Variants in LOXL2 observed in about 807,000 individuals in gnomAD.
The protein encoded by LOXL2 is lysyl oxidase like 2, also known as lysyl oxidase homolog 2.
LOXL2 carries 70 observed loss-of-function variants against 93.0 expected under a neutral mutation model. The ratio of observed to expected loss-of-function variants is 0.75; its 90% CI spans 0.62 to 0.92. The LOEUF (loss-of-function observed/expected upper bound fraction) is 0.92. Among genes scored for constraint, LOXL2 ranks in the 40% least tolerant of loss-of-function variants. LOXL2 has a pLI of 0.00. For synonymous variants in LOXL2, 438 were observed against 413.2 expected (o/e 1.06, Z -0.73); for missense variants, 973 against 1,054.9 (o/e 0.92, Z 1.08).
intron 1 of LOXL2, among the ~76,000 whole-genome samples, chr8:23,391,874 G>A (rs1340640628): frequency 2.0e-5 from 3 of 152,154 alleles, no homozygotes; most frequent in East Asian, 1.9e-4. Flanking sequence ...CTGGGCTGGA[G>A]GGAGTACAAA....
intron 3 of LOXL2, among the ~76,000 whole-genome samples, chr8:23,352,059 C>A (rs539169550): frequency 3.5e-4 from 53 of 152,338 alleles, no homozygotes; most frequent in African/African-American, 1.2e-3. Flanking sequence ...GTGATCCCCC[C>A]CACCTTGGCC....
chr8:23,399,245 G>C (rs995477560), intron 1 of LOXL2, among the ~76,000 whole-genome samples: 1 of 152,188 alleles, frequency 6.6e-6, no homozygotes, highest in Non-Finnish European at 1.5e-5. Flanking sequence ...TCTCCAGGGG[G>C]AAATGGACGA....
chr8:23,323,122 A>G (rs577881072), intron 6 of LOXL2, among the ~76,000 whole-genome samples: 1 of 152,364 alleles, frequency 6.6e-6, no homozygotes, highest in East Asian at 1.9e-4. Flanking sequence ...TTGGAAACTC[A>G]TAAATGATGA....
intron 8 of LOXL2, 151 bp from the exon 9 acceptor site, chr8:23,317,265 T>TTTCATGATCCCATTTTTCAGATCGAAACA: frequency 1.3e-6 from 1 of 799,048 alleles, no homozygotes; most frequent in Non-Finnish European, 2.1e-6. Context: ...ATCCAAGCTG[T>TTTCATGATCCCATTTTTCAGATCGAAACA]GCAGTTAGTT....
intron 1 of LOXL2, among the ~76,000 whole-genome samples, chr8:23,383,612 A>G (rs1396465273): frequency 6.6e-6 from 1 of 150,614 alleles, no homozygotes; most frequent in Non-Finnish European, 1.5e-5. Flanking sequence ...AGGCTTAAGG[A>G]ATAGATTAGT....
At chr8:23,318,456 CACACAA>C (rs772784367) in intron 8 of LOXL2, among the ~76,000 whole-genome samples, 6,016 of 118,458 alleles carry the variant, frequency 0.051, 136 homozygotes, top group Admixed American at 0.081. Flanking sequence ...CACACACACA[CACACAA>C]AAATACACAT....
At chr8:23,342,356 C>A (rs1396040967) in intron 3 of LOXL2, among the ~76,000 whole-genome samples, 1 of 152,276 alleles carries the variant, frequency 6.6e-6, no homozygotes, top group East Asian at 1.9e-4. Flanking sequence ...CCAGCTCTTG[C>A]GACAGTCCCT....
intron 1 of LOXL2, among the ~76,000 whole-genome samples, chr8:23,376,913 G>C (rs1368309219): frequency 6.6e-6 from 1 of 152,006 alleles, no homozygotes; most frequent in East Asian, 1.9e-4. Flanking sequence ...TTGATTTTTT[G>C]AAGGGTTTTT....
rs1563201852 is a variant in LOXL2 at position 23,360,893 on chromosome 8, G to GT, written c.356-629_356-628insA. ...GCCACTGAAGGTTTGAGGTTTGTGG[G>GT]GTTTTTTTTGTTTTTTGTTTTTTTT... On this transcript the variant is annotated intron_variant, in intron 2 of 13. Coordinates refer to ENST00000389131, the MANE Select transcript of LOXL2 (RefSeq NM_002318.3). 1.7e-4 allele frequency among the ~76,000 whole-genome samples: 26 copies of GT among 151,590 alleles called. No individual in the cohort carries two copies. In the South Asian group the frequency reaches 2.5e-3, roughly 15 times the overall value.
chr8:23,327,413 G>C (rs9792302), intron 6 of LOXL2, among the ~76,000 whole-genome samples: 29 of 151,964 alleles, frequency 1.9e-4, no homozygotes, highest in African/African-American at 6.5e-4. Flanking sequence ...CTTTCTGTGG[G>C]GTGATGGCCC....
intron 5 of LOXL2, chr8:23,328,862 C>T (rs969608205): frequency 6.2e-5 from 21 of 339,304 alleles, no homozygotes; most frequent in South Asian, 2.0e-4. Context: ...CATTGGGGAC[C>T]GTCGATCACT....
chr8:23,351,675 C>T (rs939202246), intron 3 of LOXL2, among the ~76,000 whole-genome samples: 6 of 152,202 alleles, frequency 3.9e-5, no homozygotes, highest in African/African-American at 1.4e-4. Context: ...AAACCAGGTT[C>T]CCATCTGTTA....
chr8:23,311,829 A>C (rs947295909), intron 9 of LOXL2, among the ~76,000 whole-genome samples: 7 of 152,182 alleles, frequency 4.6e-5, no homozygotes, highest in African/African-American at 1.7e-4. Context: ...AGCTGGCAGG[A>C]GATATGATGG....
At chr8:23,398,002 A>T (rs1463702397) in intron 1 of LOXL2, among the ~76,000 whole-genome samples, 1 of 151,444 alleles carries the variant, frequency 6.6e-6, no homozygotes, top group African/African-American at 2.4e-5. Context: ...TGCTTTACTC[A>T]ATTTTATATT....
intron 3 of LOXL2, among the ~76,000 whole-genome samples, chr8:23,350,162 A>G (rs1804068251): frequency 6.6e-6 from 1 of 152,206 alleles, no homozygotes; most frequent in Non-Finnish European, 1.5e-5. Context: ...CTCAGCACGC[A>G]GTTAGATGGC....
At chr8:23,398,769 C>T (rs550059156) in intron 1 of LOXL2, among the ~76,000 whole-genome samples, 3 of 152,286 alleles carry the variant, frequency 2.0e-5, no homozygotes, top group South Asian at 2.1e-4. Context: ...AAGCAATCTT[C>T]CTGCCTCAGC....
chr8:23,299,214 G>T (rs946896340), intron 12 of LOXL2, among the ~76,000 whole-genome samples: 4 of 152,234 alleles, frequency 2.6e-5, no homozygotes, highest in Admixed American at 2.6e-4. Flanking sequence ...TGGGCCTTCG[G>T]AAGGGGGTCA....
intron 10 of LOXL2, among the ~76,000 whole-genome samples, chr8:23,304,250 T>A (rs1406938068): frequency 6.6e-6 from 1 of 152,194 alleles, no homozygotes; most frequent in African/African-American, 2.4e-5. Flanking sequence ...CTCTCTTCCC[T>A]CGGGAGGAAT....
Position 23,357,139 on chromosome 8 carries a change from G to A in LOXL2, c.531+2951C>T, listed in dbSNP as rs565808121. Among the ~76,000 whole-genome samples, 27 of 151,820 alleles carry A rather than the reference G, an allele frequency of 1.8e-4. 1 individual carries two copies. The South Asian group carries it at 4.0e-3, about 22-fold the overall frequency. On this transcript the variant is annotated intron_variant, in intron 3 of 13. Transcript: ENST00000389131. ...GGCTGGAGCGCAATGGCAGGATCTC[G>A]GCTCACTGCAACCTCCGCCTCCCAG...
Sources: allele counts gnomAD v4.1 joint callset (sites outside exome capture counted in the v4.1 genomes callset), GRCh38; gene constraint gnomAD v4.1.1; transcripts MANE v1.5; gene names NCBI Gene and HGNC (gene_info 2026-07-23, HGNC 2026-07-21).